PHTF2: variants seen among roughly 807,000 people sequenced by gnomAD.
PHTF2 encodes putative homeodomain transcription factor 2.
Under a neutral mutation model 101.2 loss-of-function variants are expected in PHTF2, and 60 were observed. The ratio of observed to expected loss-of-function variants is 0.59; its 90% CI spans 0.48 to 0.73. The LOEUF (loss-of-function observed/expected upper bound fraction) is 0.73. Among genes scored for constraint, PHTF2 ranks in the 30% least tolerant of loss-of-function variants. PHTF2 has a pLI of 0.00. For missense variants in PHTF2, 747 were observed against 908.7 expected, an observed-to-expected ratio of 0.82 and a Z score of 2.29; for synonymous variants, 311 against 307.3, an observed-to-expected ratio of 1.01 and a Z score of -0.13.
chr7:77,893,124 G>A (rs1288383824), intron 3 of PHTF2, among the ~76,000 whole-genome samples: 1 of 152,122 alleles, frequency 6.6e-6, no homozygotes, highest in Non-Finnish European at 1.5e-5. Context: ...TAGGTTCAGG[G>A]ATACATGTCC....
chr7:77,929,199 GATGTGTT>G lies in PHTF2; in HGVS notation c.1214_1220del (p.Val405GlyfsTer29), dbSNP rs780499010. The G allele has an allele frequency of 6.2e-7, 1 of 1,613,600 alleles. No homozygotes were observed. Among genetic ancestry groups the G allele is most frequent in the East Asian group, 2.2e-5 (1 of 44,858 alleles). On this transcript the variant is annotated frameshift_variant, in exon 12 of 20. Coordinates refer to ENST00000416283, the Ensembl canonical transcript of PHTF2. LOFTEE classifies it high-confidence loss of function. ...TGCAAGGCCAGAATCTGAAACAGAA[GATGTGTT>G]ATGGGAAGACTTGTTACATTGTGCA...
rs138654999 is a variant in PHTF2 at position 77,901,133 on chromosome 7, C to T, written c.286+353C>T. ...ACTCACTCACTATCTCAAGGACAGC[C>T]TCAAGCCATGAGGGCTTCACCCTTA... is the stretch of plus-strand genomic sequence containing the variant. On this transcript the variant is annotated intron_variant, in intron 6 of 19. Transcript: ENST00000416283. Among the ~76,000 whole-genome samples, 274 of 152,324 alleles carry T rather than the reference C, an allele frequency of 1.8e-3. 2 individuals carry two copies. The highest frequency in any genetic ancestry group is 5.9e-3 in the African/African-American group (247 of 41,580).
At chr7:77,815,733 A>C (rs768970950) in intron 1 of PHTF2, among the ~76,000 whole-genome samples, 1 of 152,234 alleles carries the variant, frequency 6.6e-6, no homozygotes, top group Non-Finnish European at 1.5e-5. Flanking sequence ...AACAGCTTTC[A>C]ACTAGTCTGC....
At chr7:77,941,396 T>C (rs1432284955) in intron 15 of PHTF2, among the ~76,000 whole-genome samples, 1 of 152,218 alleles carries the variant, frequency 6.6e-6, no homozygotes, top group Non-Finnish European at 1.5e-5. Context: ...ATCTGTTGTA[T>C]GGAGGGATGA....
At chr7:77,946,983 G>C (rs1253022478) in intron 16 of PHTF2, among the ~76,000 whole-genome samples, 6 of 150,844 alleles carry the variant, frequency 4.0e-5, no homozygotes, top group African/African-American at 1.5e-4. Flanking sequence ...AGCCAGACAT[G>C]GTGACACATG....
In PHTF2 at chr7:77,935,291, C is replaced by T. The variant is rs370595579; in HGVS notation, c.1339-2419C>T. ...AGGCTGGAGTGCAGTGGCGCGATCTCGGCTCACTTCAAGCTCTGCCTCCCG... is the reference window on the plus strand; with the variant it reads ...AGGCTGGAGTGCAGTGGCGCGATCTTGGCTCACTTCAAGCTCTGCCTCCCG... On this transcript the variant is annotated intron_variant, in intron 12 of 19. Coordinates refer to ENST00000416283, the Ensembl canonical transcript of PHTF2. Among the ~76,000 whole-genome samples, 8 of 135,178 alleles carry T rather than the reference C, an allele frequency of 5.9e-5. No individual in the cohort carries two copies. The South Asian group carries it at 1.5e-3, about 26-fold the overall frequency. 88.7% of individuals were successfully genotyped at this position (135,178 alleles called of 152,430 possible).
chr7:77,945,036 T>A (rs1466248522), intron 16 of PHTF2, among the ~76,000 whole-genome samples: 1 of 152,006 alleles, frequency 6.6e-6, no homozygotes, highest in Non-Finnish European at 1.5e-5. Context: ...CCAACATAGG[T>A]CTAATAAGAA....
chr7:77,874,498 T>G (rs1798773625), intron 3 of PHTF2, among the ~76,000 whole-genome samples: 1 of 152,162 alleles, frequency 6.6e-6, no homozygotes, highest in Non-Finnish European at 1.5e-5. Flanking sequence ...CCAGTCCAAG[T>G]TCCAAAACTG....
chr7:77,834,768 T>A (rs1484156853), intron 1 of PHTF2, among the ~76,000 whole-genome samples: 1 of 152,198 alleles, frequency 6.6e-6, no homozygotes, highest in Non-Finnish European at 1.5e-5. Flanking sequence ...TAGTCATTGC[T>A]TTTTATCTGC....
chr7:77,805,921 TC>T, intron 1 of PHTF2, among the ~76,000 whole-genome samples: 1 of 152,334 alleles, frequency 6.6e-6, no homozygotes, highest in Admixed American at 6.5e-5. Context: ...ACGCCTGTAA[TC>T]CCAGCACTTT....
rs1419091926 is a variant in PHTF2 at position 77,954,842 on chromosome 7, A to G, written c.2338-16A>G. The G allele has an allele frequency of 8.2e-7, 1 of 1,214,466 alleles. No homozygotes were observed. The highest frequency in any genetic ancestry group is 1.1e-6 in the Non-Finnish European group (1 of 872,758). 75.2% of individuals were successfully genotyped at this position (1,214,466 alleles called of 1,614,324 possible). On this transcript the variant is annotated splice_polypyrimidine_tract_variant and intron_variant, in intron 19 of 19. Coordinates refer to ENST00000416283, the Ensembl canonical transcript of PHTF2. ...TTAAAACTGGCTTGTCACCACTTCT[A>G]TTTTTTTTTTTCTAGCTATGGAAGA...
intron 3 of PHTF2, among the ~76,000 whole-genome samples, chr7:77,858,498 T>C (rs1298506003): frequency 2.6e-5 from 4 of 152,188 alleles, no homozygotes; most frequent in Non-Finnish European, 5.9e-5. Flanking sequence ...TGCTGACTTT[T>C]AGGCCACTGG....
chr7:77,845,903 C>G (rs1171513458), intron 2 of PHTF2, among the ~76,000 whole-genome samples: 1 of 152,154 alleles, frequency 6.6e-6, no homozygotes, highest in Admixed American at 6.5e-5. Flanking sequence ...AGTAGTGAAG[C>G]TTTTCTCAGG....
intron 3 of PHTF2, among the ~76,000 whole-genome samples, chr7:77,869,954 G>A (rs970348177): frequency 6.6e-6 from 1 of 152,032 alleles, no homozygotes; most frequent in African/African-American, 2.4e-5. Context: ...TTTTTTTGCT[G>A]TTGAGTTGTT....
At chr7:77,865,383 G>A (rs189227252) in intron 3 of PHTF2, among the ~76,000 whole-genome samples, 166 of 152,098 alleles carry the variant, frequency 1.1e-3, no homozygotes, top group African/African-American at 3.8e-3. Context: ...GCGTCACCAT[G>A]CCTGGCTAAT....
At chr7:77,920,738 G>A (rs1218608126) in intron 10 of PHTF2, among the ~76,000 whole-genome samples, 1 of 152,102 alleles carries the variant, frequency 6.6e-6, no homozygotes, top group East Asian at 1.9e-4. Flanking sequence ...CTGGAGTGAG[G>A]TGGTGCGATC....
At chr7:77,847,371 T>C (rs769520329) in intron 2 of PHTF2, among the ~76,000 whole-genome samples, 1 of 152,148 alleles carries the variant, frequency 6.6e-6, no homozygotes, top group Non-Finnish European at 1.5e-5. Flanking sequence ...TATAGTATGA[T>C]AAGGTTAAAA....
intron 3 of PHTF2, among the ~76,000 whole-genome samples, chr7:77,873,487 A>T (rs775506855): frequency 6.6e-6 from 1 of 152,150 alleles, no homozygotes; most frequent in Non-Finnish European, 1.5e-5. Context: ...CTGGGACTTT[A>T]GTCTAGTTAT....
chr7:77,853,672 G>GTATGAGCCA (rs1166405430), intron 2 of PHTF2, among the ~76,000 whole-genome samples: 16 of 151,926 alleles, frequency 1.1e-4, no homozygotes, highest in Non-Finnish European at 1.9e-4. Context: ...GGGATTACAG[G>GTATGAGCCA]TATGAGCCAC....
Sources: gnomAD v4.1 joint callset for allele counts (sites outside exome capture counted in the v4.1 genomes callset) on GRCh38, gnomAD v4.1.1 for gene constraint, MANE v1.5 for transcripts, NCBI Gene and HGNC (gene_info 2026-07-23, HGNC 2026-07-21) for gene names.